REPS2: variants seen among roughly 807,000 people sequenced by gnomAD.
REPS2 encodes ralBP1-associated Eps domain-containing protein 2.
In REPS2, 23 loss-of-function variants were observed where a neutral mutation model predicts 53.6. The ratio of observed to expected loss-of-function variants is 0.43; its 90% CI spans 0.31 to 0.61. The LOEUF is 0.61. Among genes scored for constraint, REPS2 ranks in the 20% least tolerant of loss-of-function variants. The pLI is 0.11. For synonymous variants in REPS2, 238 were observed against 218.6 expected, an observed-to-expected ratio of 1.09 and a Z score of -0.78; for missense variants, 446 against 534.9, an observed-to-expected ratio of 0.83 and a Z score of 1.64.
At position 17,077,289 on chromosome X, in the gene REPS2, C is replaced by G. The variant is rs2062394337; in HGVS notation, c.1398C>G (p.Ser466=). The change falls in exon 13 of 18, where the codon TCC becomes TCG. Residue 466 remains serine, a synonymous_variant. Transcript: ENST00000357277. ...GCTACAGATCTTACTCTAGCACCTC[C>G]ATAGAAGAGGCCATGAAAAGGGGCG... ...RPRSRSYSST[S]IEEAMKRGED... 1 of 1,204,961 alleles carries G rather than the reference C, an allele frequency of 8.3e-7. No homozygotes were observed. The highest frequency in any genetic ancestry group is 3.0e-5 in the East Asian group (1 of 33,643).
intron 5 of REPS2, among the ~76,000 whole-genome samples, chrX:17,046,587 C>G (rs999839447): frequency 8.9e-6 from 1 of 112,010 alleles, no homozygotes; most frequent in Non-Finnish European, 1.9e-5. Flanking sequence ...CACGCCTCCC[C>G]CTAGCATCGA....
intron 13 of REPS2, among the ~76,000 whole-genome samples, chrX:17,086,486 G>A (rs2062538497): frequency 8.9e-6 from 1 of 112,087 alleles, no homozygotes; most frequent in South Asian, 3.7e-4. Context: ...CAATTTTTAT[G>A]GTGTAAACAC....
chrX:17,167,377 A>G, the REPS2 span, among the ~76,000 whole-genome samples: 3 of 110,958 alleles, frequency 2.7e-5, no homozygotes, highest in Non-Finnish European at 5.7e-5. Context: ...TGAAGATAGC[A>G]CTGCCTTTTT....
At chrX:17,163,456 AC>A in the REPS2 span, among the ~76,000 whole-genome samples, 19 of 112,053 alleles carry the variant, frequency 1.7e-4, no homozygotes, top group Non-Finnish European at 2.4e-4. Context: ...AAATTTGATG[AC>A]AAACATGAAT....
At chrX:17,077,544 C>A in intron 13 of REPS2, 137 bp downstream of exon 13, 1 of 588,415 alleles carries the variant, frequency 1.7e-6, no homozygotes. Flanking sequence ...CTTCACGTGG[C>A]TATGGTATTC....
intron 1 of REPS2, among the ~76,000 whole-genome samples, chrX:16,965,350 G>T (rs1448417890): frequency 1.8e-5 from 2 of 113,258 alleles, no homozygotes; most frequent in African/African-American, 6.4e-5. Context: ...CGGGGCGGCT[G>T]GCCGGGCGGG....
chrX:17,003,761 C>T (rs1268050293), intron 1 of REPS2, among the ~76,000 whole-genome samples: 1 of 111,892 alleles, frequency 8.9e-6, no homozygotes, highest in African/African-American at 3.2e-5. Context: ...TTGAACAGTT[C>T]TGAAAATGTA....
intron 13 of REPS2, among the ~76,000 whole-genome samples, chrX:17,089,506 TC>T (rs1262994583): frequency 8.9e-6 from 1 of 112,086 alleles, no homozygotes; most frequent in African/African-American, 3.2e-5. Context: ...TTTTCAGCAC[TC>T]CAATAATACT....
At chrX:16,977,957 C>T (rs1335161261) in intron 1 of REPS2, among the ~76,000 whole-genome samples, 2 of 111,065 alleles carry the variant, frequency 1.8e-5, no homozygotes, top group African/African-American at 6.6e-5. Flanking sequence ...TGAATAGCTC[C>T]TCAGTGTCTG....
chrX:17,047,577 G>C, intron 6 of REPS2, 95 bp downstream of exon 6: 2 of 1,045,163 alleles, frequency 1.9e-6, no homozygotes, highest in Non-Finnish European at 2.6e-6. Context: ...AGCCTTCTGT[G>C]ATTTCAGTTT....
chrX:17,129,032 G>GT (rs1157384589), intron 14 of REPS2, among the ~76,000 whole-genome samples: 5 of 111,578 alleles, frequency 4.5e-5, no homozygotes, highest in African/African-American at 6.5e-5. Flanking sequence ...CCATATATCT[G>GT]TTTTTTTCCC....
At chrX:17,093,947 G>A (rs1183782678) in intron 13 of REPS2, among the ~76,000 whole-genome samples, 1 of 111,768 alleles carries the variant, frequency 8.9e-6, no homozygotes, top group Non-Finnish European at 1.9e-5. Context: ...GCTTTTTGAA[G>A]CAATAGAAAC....
downstream of REPS2, among the ~76,000 whole-genome samples, chrX:17,157,563 T>TG (rs752672596): frequency 5.7e-4 from 64 of 112,109 alleles, no homozygotes; most frequent in Non-Finnish European, 1.1e-3. Context: ...TTGTCACAAC[T>TG]GGGGGATGCT....
At chrX:16,991,700 A>G (rs1371638798) in intron 1 of REPS2, among the ~76,000 whole-genome samples, 1 of 110,728 alleles carries the variant, frequency 9.0e-6, no homozygotes, top group Non-Finnish European at 1.9e-5. Flanking sequence ...AGTCAGGCAC[A>G]TGTACCCTAA....
chrX:17,091,575 G>T (rs1273688346), intron 13 of REPS2, among the ~76,000 whole-genome samples: 1 of 112,240 alleles, frequency 8.9e-6, no homozygotes, highest in East Asian at 2.8e-4. Context: ...TTACAAGGAT[G>T]TGTAAGTTAA....
chrX:17,080,707 G>T (rs937399678), intron 13 of REPS2, among the ~76,000 whole-genome samples: 3 of 112,146 alleles, frequency 2.7e-5, no homozygotes, highest in African/African-American at 9.7e-5. Flanking sequence ...ATCATTACCT[G>T]TGTAATAGGC....
At chrX:17,087,924 CGATA>C (rs35140640) in intron 13 of REPS2, among the ~76,000 whole-genome samples, 12,179 of 91,148 alleles carry the variant, frequency 0.13, 754 homozygotes, top group East Asian at 0.17. Flanking sequence ...GAGACTCTGT[CGATA>C]GATAGATAGA....
intron 1 of REPS2, among the ~76,000 whole-genome samples, chrX:16,955,682 G>A (rs2060583994): frequency 8.9e-6 from 1 of 112,050 alleles, no homozygotes; most frequent in African/African-American, 3.2e-5. Flanking sequence ...CAGCAGGAGA[G>A]TGTCTCTCTC....
intron 13 of REPS2, among the ~76,000 whole-genome samples, chrX:17,093,476 G>A (rs1043056568): frequency 5.5e-5 from 6 of 109,955 alleles, no homozygotes; most frequent in Non-Finnish European, 7.6e-5. Context: ...AGAGCTTCAT[G>A]CTGAACTGGG....
Sources: gnomAD v4.1 joint callset for allele counts (sites outside exome capture counted in the v4.1 genomes callset) on GRCh38, gnomAD v4.1.1 for gene constraint, MANE v1.5 for transcripts, NCBI Gene and HGNC (gene_info 2026-07-23, HGNC 2026-07-21) for gene names.